The following WWOX variants were observed in gnomAD, a reference collection of about 807,000 sequenced individuals.
The protein encoded by WWOX is WW domain containing oxidoreductase, also known as WW domain-containing oxidoreductase.
Under a neutral mutation model 46.2 loss-of-function variants are expected in WWOX, and 69 were observed. The observed-to-expected ratio is 1.49, with a 90% CI of 1.23 to 1.82. The LOEUF (loss-of-function observed/expected upper bound fraction) is 1.82, where lower values mean the gene tolerates loss of function less well. Among genes scored for constraint, WWOX ranks in the 40% most tolerant of loss-of-function variants. WWOX has a pLI of 0.00. For missense variants in WWOX, 919 were observed against 542.6 expected (o/e 1.69, Z -6.89); for synonymous variants, 359 against 202.6 (o/e 1.77, Z -6.56).
At chr16:79,105,637 T>C (rs2049292912) in intron 8 of WWOX, among the ~76,000 whole-genome samples, 1 of 152,170 alleles carries the variant, frequency 6.6e-6, no homozygotes, top group Non-Finnish European at 1.5e-5. Context: ...CTTTTGTTTA[T>C]AGAATACTGT....
chr16:78,804,417 T>TA (rs879444786), intron 8 of WWOX, among the ~76,000 whole-genome samples: 165 of 134,846 alleles, frequency 1.2e-3, no homozygotes, highest in Middle Eastern at 3.7e-3. Flanking sequence ...TCAGCCAAAT[T>TA]AAAAAAAAAA....
At chr16:78,483,691 G>A (rs940863195) in intron 8 of WWOX, among the ~76,000 whole-genome samples, 5 of 152,044 alleles carry the variant, frequency 3.3e-5, no homozygotes, top group African/African-American at 1.2e-4. Flanking sequence ...TCAATAATGT[G>A]TGGCCAATCT....
At chr16:78,758,342 C>T (rs544969098) in intron 8 of WWOX, among the ~76,000 whole-genome samples, 1 of 152,052 alleles carries the variant, frequency 6.6e-6, no homozygotes, top group African/African-American at 2.4e-5. Flanking sequence ...TATTAAAAAC[C>T]AAAGCAAGAT....
intron 8 of WWOX, among the ~76,000 whole-genome samples, chr16:78,923,103 T>A (rs1430524624): frequency 6.6e-6 from 1 of 151,824 alleles, no homozygotes; most frequent in Non-Finnish European, 1.5e-5. Context: ...TGCCTCAGCC[T>A]TGCGAGTAGC....
chr16:78,543,718 T>G (rs1260681578), intron 8 of WWOX, among the ~76,000 whole-genome samples: 2 of 152,296 alleles, frequency 1.3e-5, no homozygotes, highest in East Asian at 3.9e-4. Flanking sequence ...CCTTGTCTTG[T>G]GGAGGGAACA....
At chr16:78,118,072 C>T (rs1043835223) in intron 4 of WWOX, among the ~76,000 whole-genome samples, 8 of 148,962 alleles carry the variant, frequency 5.4e-5, no homozygotes, top group African/African-American at 1.0e-4. Context: ...CCCCATATGA[C>T]GCTGCTTTGT....
intron 8 of WWOX, among the ~76,000 whole-genome samples, chr16:78,536,380 G>A (rs2043760001): frequency 6.6e-6 from 1 of 151,770 alleles, no homozygotes; most frequent in Admixed American, 6.6e-5. Context: ...CGAGCTGTGG[G>A]GCATCCAAGA....
intron 5 of WWOX, among the ~76,000 whole-genome samples, chr16:78,368,915 G>C (rs938610683): frequency 9.9e-5 from 15 of 152,184 alleles, no homozygotes; most frequent in African/African-American, 1.4e-4. Context: ...CTCTGTGTCT[G>C]TGTGCGACTG....
chr16:78,105,049 G>T (rs1205168999), intron 1 of WWOX, among the ~76,000 whole-genome samples: 2 of 152,230 alleles, frequency 1.3e-5, no homozygotes, highest in Non-Finnish European at 2.9e-5. Context: ...AGGGATGGTT[G>T]TGTCCTGCAG....
intron 8 of WWOX, among the ~76,000 whole-genome samples, chr16:78,824,748 G>T (rs542395264): frequency 6.6e-6 from 1 of 152,248 alleles, no homozygotes; most frequent in South Asian, 2.1e-4. Context: ...CGGCCCACAT[G>T]ATTGAGTTAC....
At chr16:78,486,405 T>C (rs1396822931) in intron 8 of WWOX, among the ~76,000 whole-genome samples, 1 of 152,232 alleles carries the variant, frequency 6.6e-6, no homozygotes, top group Non-Finnish European at 1.5e-5. Context: ...CTTTTTAATA[T>C]AGCTTATTGA....
At chr16:78,505,931 G>A (rs760976106) in intron 8 of WWOX, among the ~76,000 whole-genome samples, 1 of 152,176 alleles carries the variant, frequency 6.6e-6, no homozygotes, top group African/African-American at 2.4e-5. Context: ...AGAAGGACCC[G>A]GTTGGCTCTG....
intron 8 of WWOX, among the ~76,000 whole-genome samples, chr16:78,679,769 A>G (rs1270386142): frequency 1.3e-5 from 2 of 152,226 alleles, no homozygotes; most frequent in African/African-American, 4.8e-5. Flanking sequence ...ACATCTTCTC[A>G]TTGATGGCTG....
chr16:78,723,691 C>G (rs529810123), intron 8 of WWOX, among the ~76,000 whole-genome samples: 1 of 151,174 alleles, frequency 6.6e-6, no homozygotes, highest in South Asian at 2.1e-4. Context: ...TGTTGGAAAG[C>G]TTTCTGCTAA....
At chr16:79,133,078 C>T (rs1248936836) in intron 8 of WWOX, among the ~76,000 whole-genome samples, 2 of 152,206 alleles carry the variant, frequency 1.3e-5, no homozygotes, top group East Asian at 1.9e-4. Context: ...TGCAAGTGAC[C>T]TTTCTAGGGT....
At position 78,447,240 on chromosome 16, in the gene WWOX, C is replaced by A. The variant is rs181672499; in HGVS notation, c.1056+14488C>A. 1.6e-4 allele frequency among the ~76,000 whole-genome samples: 24 copies of A among 152,290 alleles called. No individual in the cohort carries two copies. In the East Asian group the frequency reaches 4.1e-3, roughly 26 times the overall value. ...TCTAAAATTACAGAGGAAACTAGAT[C>A]TGTAACTCTGTACATTTACTCCTGT... On this transcript the variant is annotated intron_variant, in intron 8 of 8. Coordinates refer to ENST00000566780, the MANE Select transcript of WWOX (RefSeq NM_016373.4).
chr16:79,046,951 T>A (rs1318075530), intron 8 of WWOX, among the ~76,000 whole-genome samples: 3 of 152,178 alleles, frequency 2.0e-5, no homozygotes, highest in Admixed American at 6.5e-5. Context: ...CTCCCTTCCA[T>A]GTAAAAGTAA....
chr16:79,011,286 C>T (rs2047301973), intron 8 of WWOX, among the ~76,000 whole-genome samples: 1 of 151,532 alleles, frequency 6.6e-6, no homozygotes, highest in Non-Finnish European at 1.5e-5. Flanking sequence ...TTCACATCCA[C>T]ACTAAGAAAA....
intron 5 of WWOX, among the ~76,000 whole-genome samples, chr16:78,313,490 G>A (rs569829045): frequency 7.2e-5 from 11 of 152,160 alleles, no homozygotes; most frequent in African/African-American, 2.7e-4. Context: ...CTTGGCCCCT[G>A]GAGTAGCTGA....
Sources: gnomAD v4.1 joint callset for allele counts (sites outside exome capture counted in the v4.1 genomes callset) on GRCh38, gnomAD v4.1.1 for gene constraint, MANE v1.5 for transcripts, NCBI Gene and HGNC (gene_info 2026-07-23, HGNC 2026-07-21) for gene names.